Variants in TRERF1 observed in about 807,000 individuals in gnomAD.
TRERF1 encodes the protein transcriptional regulating factor 1.
In TRERF1, 27 loss-of-function variants were observed where a neutral mutation model predicts 122.9. The ratio of observed to expected loss-of-function variants is 0.22; its 90% CI spans 0.16 to 0.30. The LOEUF is 0.30. Among genes scored for constraint, TRERF1 ranks in the 10% least tolerant of loss-of-function variants. TRERF1 has a pLI of 1.00. For synonymous variants in TRERF1, 636 were observed against 641.7 expected, an observed-to-expected ratio of 0.99 and a Z score of 0.13; for missense variants, 1,248 against 1,560.3, an observed-to-expected ratio of 0.80 and a Z score of 3.37.
At chr6:42,329,086 A>G (rs958325556) in intron 3 of TRERF1, among the ~76,000 whole-genome samples, 1 of 151,952 alleles carries the variant, frequency 6.6e-6, no homozygotes, top group Non-Finnish European at 1.5e-5. Flanking sequence ...GGACAAGACA[A>G]GTTGGACTAC....
At chr6:42,241,098 G>T (rs529922177) in intron 15 of TRERF1, among the ~76,000 whole-genome samples, 1 of 152,144 alleles carries the variant, frequency 6.6e-6, no homozygotes, top group Non-Finnish European at 1.5e-5. Context: ...GTTGGCCAGG[G>T]TGGTCTCGAT....
At chr6:42,298,515 G>A (rs1013981249) in intron 4 of TRERF1, among the ~76,000 whole-genome samples, 3 of 150,452 alleles carry the variant, frequency 2.0e-5, no homozygotes, top group Admixed American at 6.7e-5. Context: ...AGATGAAAAC[G>A]TAAAATAGGT....
chr6:42,409,336 C>G (rs1405221909), intron 2 of TRERF1, among the ~76,000 whole-genome samples: 1 of 152,138 alleles, frequency 6.6e-6, no homozygotes, highest in Admixed American at 6.5e-5. Flanking sequence ...TACTGATCTT[C>G]CATTTTCCTG....
At chr6:42,274,798 A>G (rs950160833) in intron 4 of TRERF1, among the ~76,000 whole-genome samples, 2 of 152,252 alleles carry the variant, frequency 1.3e-5, no homozygotes, top group African/African-American at 4.8e-5. Context: ...CATTAAATGT[A>G]ATATTTTTTG....
intron 2 of TRERF1, among the ~76,000 whole-genome samples, chr6:42,432,523 C>T (rs1784644899): frequency 6.6e-6 from 1 of 152,120 alleles, no homozygotes; most frequent in Admixed American, 6.6e-5. Context: ...AAAGCCATAA[C>T]AGGGAGCTTG....
Position 42,368,316 on chromosome 6 carries a change from C to T in TRERF1, c.-453-5237G>A, listed in dbSNP as rs949012765. On this transcript the variant is annotated intron_variant, in intron 2 of 17. Transcript: ENST00000372922. ...CCCTCTACCCCTCCTGAGTGGAGGG[C>T]CCAGCTGTAAACTCAGTCTCCTGAT... Among the ~76,000 whole-genome samples the T allele has an allele frequency of 5.9e-5, 9 of 152,166 alleles. No homozygotes were observed. The East Asian group carries it at 9.6e-4, about 16-fold the overall frequency.
rs1000144248 is a variant in TRERF1 at position 42,232,093 on chromosome 6, G to A, written c.3278+588C>T. ...GTTGTTTTTTAAATTATACCTAAAA[G>A]GGGAGGATAACAAATAGGTTTTATT... On this transcript the variant is annotated intron_variant, in intron 17 of 17. Coordinates refer to ENST00000372922, the Ensembl canonical transcript of TRERF1. The surrounding 1 kb of genome is among the most constrained non-coding windows in gnomAD (Gnocchi z 4.5). Among the ~76,000 whole-genome samples the A allele has an allele frequency of 2.0e-5, 3 of 152,170 alleles. No homozygotes were observed. Among genetic ancestry groups the A allele is most frequent in the African/African-American group, 7.2e-5 (3 of 41,444 alleles).
chr6:42,315,119 G>A lies in TRERF1; in HGVS notation c.-370-14370C>T, dbSNP rs373395575. 1.3e-3 allele frequency among the ~76,000 whole-genome samples: 200 copies of A among 152,240 alleles called. 2 individuals are homozygous for A. The highest frequency in any genetic ancestry group is 4.6e-3 in the African/African-American group (190 of 41,536). On this transcript the variant is annotated intron_variant, in intron 3 of 17. Coordinates refer to ENST00000372922, the Ensembl canonical transcript of TRERF1. ...GTGGGATGAGGCAGCGTGGTAGGACGGGGTCTCCATTATGTAGGGTAGTGG... is the reference window on the plus strand; with the variant it reads ...GTGGGATGAGGCAGCGTGGTAGGACAGGGTCTCCATTATGTAGGGTAGTGG...
intron 2 of TRERF1, among the ~76,000 whole-genome samples, chr6:42,445,915 T>G (rs1296725115): frequency 1.3e-5 from 2 of 152,006 alleles, no homozygotes; most frequent in East Asian, 1.9e-4. Context: ...GTTTGTTTGT[T>G]TTGTTGTTGT....
At chr6:42,267,749 T>G (rs1000355624) in intron 5 of TRERF1, among the ~76,000 whole-genome samples, 5 of 152,220 alleles carry the variant, frequency 3.3e-5, no homozygotes, top group South Asian at 2.1e-4. Flanking sequence ...GCAATATACT[T>G]TGAGAAATGC....
At chr6:42,363,809 C>T (rs1026059351) in intron 2 of TRERF1, among the ~76,000 whole-genome samples, 3 of 152,088 alleles carry the variant, frequency 2.0e-5, no homozygotes, top group Non-Finnish European at 4.4e-5. Context: ...GAAAGGAGCC[C>T]GAAACAGACC....
intron 3 of TRERF1, among the ~76,000 whole-genome samples, chr6:42,357,772 T>C (rs1240448668): frequency 2.6e-5 from 4 of 152,186 alleles, no homozygotes; most frequent in Non-Finnish European, 4.4e-5. Context: ...TAATCCTGAC[T>C]GGAAGGCAAA....
At chr6:42,449,215 G>C (rs944644741) in intron 2 of TRERF1, among the ~76,000 whole-genome samples, 31 of 152,230 alleles carry the variant, frequency 2.0e-4, no homozygotes, top group African/African-American at 6.0e-4. Flanking sequence ...GTTTACTATG[G>C]AACCTGCAAA....
chr6:42,249,529 A>G (rs1775382941), intron 13 of TRERF1, among the ~76,000 whole-genome samples: 1 of 152,184 alleles, frequency 6.6e-6, no homozygotes, highest in African/African-American at 2.4e-5. Flanking sequence ...TCGTGGGGGA[A>G]GGAGACCTTC....
chr6:42,347,756 T>A (rs1768591950), intron 3 of TRERF1, among the ~76,000 whole-genome samples: 1 of 152,012 alleles, frequency 6.6e-6, no homozygotes, highest in Non-Finnish European at 1.5e-5. Flanking sequence ...CCCCCACAAA[T>A]AAAGCAATTC....
At chr6:42,281,642 C>T (rs1404433728) in intron 4 of TRERF1, among the ~76,000 whole-genome samples, 1 of 152,190 alleles carries the variant, frequency 6.6e-6, no homozygotes, top group African/African-American at 2.4e-5. Flanking sequence ...TCCAGAATTA[C>T]ATCCAGGATG....
chr6:42,370,849 C>G (rs1009793375), intron 2 of TRERF1, among the ~76,000 whole-genome samples: 1 of 152,214 alleles, frequency 6.6e-6, no homozygotes, highest in Non-Finnish European at 1.5e-5. Context: ...CCTATCAGCT[C>G]TCCCTGGCCC....
intron 4 of TRERF1, among the ~76,000 whole-genome samples, chr6:42,290,085 G>C (rs1264245590): frequency 2.6e-5 from 4 of 152,210 alleles, no homozygotes; most frequent in African/African-American, 9.6e-5. Flanking sequence ...CCTGAGAACA[G>C]GCAGTCACTG....
intron 3 of TRERF1, among the ~76,000 whole-genome samples, chr6:42,304,808 AG>A (rs1786873143): frequency 6.6e-6 from 1 of 152,218 alleles, no homozygotes; most frequent in South Asian, 2.1e-4. Context: ...GTGTACAGAA[AG>A]GCCTACCCAC....
Sources: gnomAD v4.1 joint callset for allele counts (sites outside exome capture counted in the v4.1 genomes callset) on GRCh38, gnomAD v4.1.1 for gene constraint, Gnocchi (gnomAD v3.1) non-coding constraint, MANE v1.5 for transcripts, NCBI Gene and HGNC (gene_info 2026-07-23, HGNC 2026-07-21) for gene names.